The following ZFHX3 variants were observed in gnomAD, a reference collection of about 807,000 sequenced individuals.
ZFHX3 encodes the protein zinc finger homeobox protein 3.
In ZFHX3, 42 loss-of-function variants were observed where a neutral mutation model predicts 279.1. The observed-to-expected ratio is 0.15, with a 90% CI of 0.12 to 0.19. The LOEUF (loss-of-function observed/expected upper bound fraction) is 0.19, where lower values mean the gene tolerates loss of function less well. Ranked by LOEUF, ZFHX3 falls within the 10% of genes least tolerant of loss-of-function variation. The probability of loss-of-function intolerance (pLI) is 1.00; values close to 1 mark genes in which losing one functional copy is unlikely to be tolerated. For missense variants in ZFHX3, 4,981 were observed against 4,754.0 expected (o/e 1.05, Z -1.40); for synonymous variants, 2,293 against 1,957.8 (o/e 1.17, Z -4.52).
At chr16:73,444,175 A>C (rs1450501364) in intron 3 of ZFHX3, among the ~76,000 whole-genome samples, 1 of 152,364 alleles carries the variant, frequency 6.6e-6, no homozygotes, top group African/African-American at 2.4e-5. Flanking sequence ...TACATTTTAA[A>C]ATAATGATTT....
chr16:73,351,599 T>C (rs556026453), intron 3 of ZFHX3, among the ~76,000 whole-genome samples: 1 of 152,352 alleles, frequency 6.6e-6, no homozygotes, highest in South Asian at 2.1e-4. Flanking sequence ...TAAGTGGGCA[T>C]TGTCTTAGAG....
intron 4 of ZFHX3, among the ~76,000 whole-genome samples, chr16:72,882,190 T>C (rs75074234): frequency 8.7e-5 from 13 of 148,740 alleles, no homozygotes; most frequent in Non-Finnish European, 1.3e-4. Flanking sequence ...TTTTTTTTTT[T>C]TGCTGTGCCA....
rs1050622875 is a variant in ZFHX3, at chr16:73,119,277, A to T, written c.-897+11691T>A. ...TGCCACTATGCCCAGCTAAATTTTA[A>T]AACAATTTTTGTAGAGATGGGGCCC... On this transcript the variant is annotated intron_variant, in intron 7 of 17. Transcript: ENST00000641206. Among the ~76,000 whole-genome samples the T allele has an allele frequency of 4.6e-5, 7 of 151,944 alleles. No homozygotes were observed. In the East Asian group the frequency reaches 7.8e-4, roughly 17 times the overall value.
chr16:72,946,232 C>A (rs1157702167), intron 3 of ZFHX3, among the ~76,000 whole-genome samples: 1 of 152,218 alleles, frequency 6.6e-6, no homozygotes, highest in Non-Finnish European at 1.5e-5. Context: ...TGCCTCCTAC[C>A]TCAGGCCAAG....
intron 2 of ZFHX3, among the ~76,000 whole-genome samples, chr16:73,596,106 C>T (rs868253481): frequency 7.2e-5 from 11 of 151,890 alleles, no homozygotes; most frequent in South Asian, 2.1e-4. Context: ...CTGCAACTTC[C>T]GCCTCCCGGG....
intron 3 of ZFHX3, among the ~76,000 whole-genome samples, chr16:72,898,440 A>C (rs1002874297): frequency 6.6e-6 from 1 of 152,170 alleles, no homozygotes; most frequent in East Asian, 1.9e-4. Flanking sequence ...TTTCCCTTGC[A>C]CGAATCACAT....
chr16:72,875,550 C>T (rs1307099121), intron 4 of ZFHX3, among the ~76,000 whole-genome samples: 2 of 152,250 alleles, frequency 1.3e-5, no homozygotes, highest in East Asian at 1.9e-4. Flanking sequence ...ATTCAGGGAA[C>T]TGGAGTTGCA....
intron 3 of ZFHX3, among the ~76,000 whole-genome samples, chr16:73,405,663 G>A (rs949337051): frequency 2.0e-5 from 3 of 151,778 alleles, no homozygotes; most frequent in Non-Finnish European, 2.9e-5. Flanking sequence ...TGCACATCAC[G>A]TATGTAATGT....
chr16:73,646,502 G>A (rs1029959358), intron 2 of ZFHX3, among the ~76,000 whole-genome samples: 1 of 151,952 alleles, frequency 6.6e-6, no homozygotes, highest in Non-Finnish European at 1.5e-5. Context: ...GCAGATTGAT[G>A]AAAATAAAAA....
In ZFHX3 at chr16:72,787,922, G is replaced by C; in HGVS notation, c.10354C>G (p.Leu3452Val). 6.2e-7 allele frequency: 1 copy of C among 1,614,074 alleles called. No homozygotes were observed. Among genetic ancestry groups the C allele is most frequent in the Non-Finnish European group, 8.5e-7 (1 of 1,180,008 alleles). Reference sequence around the variant, plus strand: ...TTTGGAACAATGAAGGGGTCGTAGAGGGAGTCCGCACTTTTGCTTTCTGCT... The same window carrying C: ...TTTGGAACAATGAAGGGGTCGTAGACGGAGTCCGCACTTTTGCTTTCTGCT... Reference protein sequence around the residue: ...PEAESKSADSLYDPFIVPKVQ... With the variant: ...PEAESKSADSVYDPFIVPKVQ... The change falls in exon 10 of 10, where the codon CTC becomes GTC. Residue 3452 changes from leucine (L) to valine (V), a missense_variant. By Grantham distance (32) the Leu-to-Val change is conservative (BLOSUM62 1). Coordinates refer to ENST00000268489, the MANE Select transcript of ZFHX3 (RefSeq NM_006885.4).
chr16:73,633,803 TGAGA>T (rs1039088176), intron 2 of ZFHX3, among the ~76,000 whole-genome samples: 31 of 151,656 alleles, frequency 2.0e-4, no homozygotes, highest in African/African-American at 7.5e-4. Context: ...GAGGCTGAGG[TGAGA>T]GAATCGCTTG....
rs1961397936 is a variant in ZFHX3, at chr16:72,958,759, C to T, written c.1387G>A (p.Ala463Thr). 1.9e-6 allele frequency: 3 copies of T among 1,614,108 alleles called. No homozygotes were observed. The highest frequency in any genetic ancestry group is 2.7e-5 in the African/African-American group (2 of 75,052). Residue 463 changes from alanine (A) to threonine (T), a missense_variant, in exon 2 of 10, where the codon GCG (alanine) becomes ACG (threonine). By Grantham distance (58) the Ala-to-Thr change is moderately conservative (BLOSUM62 0). Transcript: ENST00000268489. Reference sequence around the variant, plus strand: ...TCTTCCTCCTCCTCTTCCTCCTCCGCCTCCTCTTCGGCTGGCTCTACCTTC... The same window carrying T: ...TCTTCCTCCTCCTCTTCCTCCTCCGTCTCCTCTTCGGCTGGCTCTACCTTC... ...SEKVEPAEEE[A>T]EEEEEEEEAE...
chr16:73,123,133 G>A (rs149659480), intron 7 of ZFHX3, among the ~76,000 whole-genome samples: 38 of 151,022 alleles, frequency 2.5e-4, no homozygotes, highest in African/African-American at 7.8e-4. Flanking sequence ...TCTGACTTGG[G>A]TTATGAGGAT....
chr16:73,573,799 C>T (rs1426616171), intron 2 of ZFHX3, among the ~76,000 whole-genome samples: 1 of 152,188 alleles, frequency 6.6e-6, no homozygotes, highest in Admixed American at 6.5e-5. Flanking sequence ...GAAAACCGTA[C>T]ACAATGTAAT....
intron 8 of ZFHX3, among the ~76,000 whole-genome samples, chr16:73,084,911 A>T (rs114665710): frequency 2.0e-5 from 3 of 152,212 alleles, no homozygotes; most frequent in Non-Finnish European, 4.4e-5. Flanking sequence ...GGACACAAAA[A>T]GATCAAAGAT....
chr16:73,248,125 A>G (rs2013359042), intron 5 of ZFHX3, among the ~76,000 whole-genome samples: 1 of 150,334 alleles, frequency 6.7e-6, no homozygotes, highest in African/African-American at 2.5e-5. Flanking sequence ...GTGTGTGTAT[A>G]CTGTGTATAA....
chr16:72,983,152 CCT>C (rs1485301661), intron 1 of ZFHX3, among the ~76,000 whole-genome samples: 1 of 152,060 alleles, frequency 6.6e-6, no homozygotes, highest in African/African-American at 2.4e-5. Flanking sequence ...CTTGGAAGCC[CCT>C]GTTCCTACCG....
intron 1 of ZFHX3, among the ~76,000 whole-genome samples, chr16:73,767,865 C>T (rs2053969317): frequency 1.3e-5 from 2 of 152,256 alleles, no homozygotes; most frequent in Admixed American, 6.5e-5. Context: ...GCAGATGGCA[C>T]TCTCAAAATG....
intron 2 of ZFHX3, among the ~76,000 whole-genome samples, chr16:73,501,355 A>G (rs4887826): frequency 0.077 from 11,799 of 152,302 alleles, 791 homozygotes; most frequent in Admixed American, 0.23. Context: ...CGTACAGACA[A>G]TTTGAGACTG....
Sources: allele counts gnomAD v4.1 joint callset (sites outside exome capture counted in the v4.1 genomes callset), GRCh38; gene constraint gnomAD v4.1.1; transcripts MANE v1.5; gene names NCBI Gene and HGNC (gene_info 2026-07-23, HGNC 2026-07-21).